The following STYK1 variants were observed in gnomAD, a reference collection of about 807,000 sequenced individuals.
STYK1 encodes the protein tyrosine-protein kinase STYK1.
STYK1 carries 46 observed loss-of-function variants against 48.1 expected under a neutral mutation model. The observed-to-expected ratio is 0.96, with a 90% confidence interval of 0.75 to 1.22. The LOEUF (loss-of-function observed/expected upper bound fraction) is 1.22, where lower values mean the gene tolerates loss of function less well. Ranked by LOEUF, STYK1 falls within the 50% of genes most tolerant of loss-of-function variation. The pLI, the probability that STYK1 is intolerant of heterozygous loss-of-function variation, is 0.00. For synonymous variants in STYK1, 188 were observed against 189.0 expected, an observed-to-expected ratio of 0.99 and a Z score of 0.04; for missense variants, 527 against 521.1, an observed-to-expected ratio of 1.01 and a Z score of -0.11.
chr12:10,663,183 G>A lies in STYK1; in HGVS notation c.-195+10783C>T, dbSNP rs1490809800. ...AGGCTGGAGTGCAATGGTGTGATCA[G>A]AGCTCATTGCAGCCTCAAGCTCTGG... On this transcript the variant is annotated intron_variant, in intron 1 of 10. Coordinates refer to ENST00000075503, the MANE Select transcript of STYK1 (RefSeq NM_018423.3). Among the ~76,000 whole-genome samples the A allele has an allele frequency of 1.3e-5, 2 of 152,124 alleles. 1 individual carries two copies. The highest frequency in any genetic ancestry group is 4.1e-4 in the South Asian group (2 of 4,826).
intron 1 of STYK1, among the ~76,000 whole-genome samples, chr12:10,643,120 T>C (rs1376846544): frequency 6.6e-6 from 1 of 152,184 alleles, no homozygotes; most frequent in South Asian, 2.1e-4. Flanking sequence ...CACTTACTCA[T>C]GCCTATTAAC....
intron 4 of STYK1, among the ~76,000 whole-genome samples, chr12:10,633,265 G>A (rs1947449333): frequency 6.6e-6 from 1 of 152,184 alleles, no homozygotes; most frequent in African/African-American, 2.4e-5. Context: ...AAGTGGTAGA[G>A]ATGAAAACCT....
chr12:10,646,822 C>A (rs975351145), intron 1 of STYK1, among the ~76,000 whole-genome samples: 5 of 152,224 alleles, frequency 3.3e-5, no homozygotes, highest in Non-Finnish European at 7.3e-5. Context: ...TGTGTCCCAG[C>A]TGCTCCAGCT....
intron 1 of STYK1, among the ~76,000 whole-genome samples, chr12:10,654,577 G>A (rs1032080336): frequency 1.3e-5 from 2 of 152,260 alleles, no homozygotes; most frequent in Non-Finnish European, 1.5e-5. Context: ...GTTTTGCCCA[G>A]GTAAAGGATC....
intron 1 of STYK1, among the ~76,000 whole-genome samples, chr12:10,647,663 G>A (rs1000633987): frequency 2.6e-5 from 4 of 152,182 alleles, no homozygotes; most frequent in African/African-American, 9.7e-5. Flanking sequence ...AGGGCCAGGA[G>A]TAAAATGATA....
At chr12:10,653,521 C>T (rs1233699832) in intron 1 of STYK1, among the ~76,000 whole-genome samples, 1 of 152,056 alleles carries the variant, frequency 6.6e-6, no homozygotes, top group Non-Finnish European at 1.5e-5. Flanking sequence ...TATGAGAATT[C>T]AGAAGTGTAA....
chr12:10,633,144 A>T (rs1289486465), intron 4 of STYK1, among the ~76,000 whole-genome samples: 2 of 152,236 alleles, frequency 1.3e-5, no homozygotes, highest in Non-Finnish European at 2.9e-5. Context: ...GAGAAAGTTT[A>T]AAATTGTTTC....
At chr12:10,641,530 G>A (rs1037180565) in intron 1 of STYK1, among the ~76,000 whole-genome samples, 1 of 152,204 alleles carries the variant, frequency 6.6e-6, no homozygotes, top group Non-Finnish European at 1.5e-5. Flanking sequence ...AAGGAAGACA[G>A]GCTACAACAG....
chr12:10,671,008 T>TTTTC (rs1947886006), intron 1 of STYK1, among the ~76,000 whole-genome samples: 1 of 143,390 alleles, frequency 7.0e-6, no homozygotes, highest in East Asian at 2.0e-4. Context: ...TTTTTTTTTT[T>TTTTC]TTTTTTTTTG....
chr12:10,657,108 A>C (rs1251007521), intron 1 of STYK1, among the ~76,000 whole-genome samples: 1 of 152,186 alleles, frequency 6.6e-6, no homozygotes, highest in Non-Finnish European at 1.5e-5. Context: ...TAAGAGTTCC[A>C]TAGGAGGTGG....
At chr12:10,660,099 C>A (rs918580919) in intron 1 of STYK1, among the ~76,000 whole-genome samples, 1 of 152,206 alleles carries the variant, frequency 6.6e-6, no homozygotes, top group Non-Finnish European at 1.5e-5. Flanking sequence ...TTGGTTCTAA[C>A]AGTTGCCCAC....
chr12:10,646,147 G>T (rs1056501424), intron 1 of STYK1, among the ~76,000 whole-genome samples: 1 of 152,234 alleles, frequency 6.6e-6, no homozygotes, highest in East Asian at 1.9e-4. Context: ...AGCCAAAAAT[G>T]TGGAAGTGAT....
rs778143602 is a variant in STYK1, at chr12:10,620,133, C to A, written c.*11G>T. 3.1e-6 allele frequency: 5 copies of A among 1,613,978 alleles called. No homozygotes were observed. The highest frequency in any genetic ancestry group is 4.2e-6 in the Non-Finnish European group (5 of 1,179,990). ...TATACTCATGCATGAATGTTTCTTG[C>A]CCGAGACTCTTCAAAGCATGCTATA... On this transcript the variant is annotated 3_prime_UTR_variant, in exon 11 of 11. Transcript: ENST00000075503.
rs1215106677 is a variant in STYK1 at position 10,650,098 on chromosome 12, GGA to G, written c.-194-12904_-194-12903del. Among the ~76,000 whole-genome samples, 12 of 131,244 alleles carry G rather than the reference GGA, an allele frequency of 9.1e-5. No individual in the cohort carries two copies. The East Asian group carries it at 2.2e-3, about 24-fold the overall frequency. The allele number at this position is 131,244 out of a possible 152,430, so 86.1% of individuals were successfully genotyped here. Reference sequence around the variant, plus strand: ...CTGCACTCCAGCCTGGGCAACTGAGGGAGAGAGAGAGACTCTGTCTCAAAAAA... The same window carrying G: ...CTGCACTCCAGCCTGGGCAACTGAGGGAGAGAGAGACTCTGTCTCAAAAAA... On this transcript the variant is annotated intron_variant, in intron 1 of 10. Coordinates refer to ENST00000075503, the MANE Select transcript of STYK1 (RefSeq NM_018423.3).
At chr12:10,625,239 A>T (rs965397588) in intron 7 of STYK1, among the ~76,000 whole-genome samples, 7 of 150,484 alleles carry the variant, frequency 4.7e-5, no homozygotes, top group Non-Finnish European at 7.4e-5. Context: ...TGTTTGTTTG[A>T]GACAGTCTCG....
At chr12:10,624,925 G>T (rs1374733417) in intron 7 of STYK1, 66 bp from the exon 8 acceptor site, 1 of 1,412,746 alleles carries the variant, frequency 7.1e-7, no homozygotes, top group Non-Finnish European at 1.0e-6. Context: ...GACAAGGAGA[G>T]GCAGTCCTAG....
intron 1 of STYK1, among the ~76,000 whole-genome samples, chr12:10,650,803 C>G (rs891662808): frequency 2.0e-5 from 3 of 151,948 alleles, no homozygotes; most frequent in Admixed American, 2.0e-4. Context: ...GAGTTCGAGA[C>G]CAGCCTGGCC....
At chr12:10,654,912 G>A (rs1246118362) in intron 1 of STYK1, among the ~76,000 whole-genome samples, 1 of 152,148 alleles carries the variant, frequency 6.6e-6, no homozygotes, top group Non-Finnish European at 1.5e-5. Flanking sequence ...CCCAAAGTGG[G>A]AAACTTGAGA....
At chr12:10,622,111 C>A in intron 9 of STYK1, 139 bp from the exon 10 acceptor site, 1 of 655,484 alleles carries the variant, frequency 1.5e-6, no homozygotes, top group Non-Finnish European at 2.6e-6. Flanking sequence ...TCAGTTGCTC[C>A]CTGGTGATCA....
Sources: allele counts gnomAD v4.1 joint callset (sites outside exome capture counted in the v4.1 genomes callset), GRCh38; gene constraint gnomAD v4.1.1; transcripts MANE v1.5; gene names NCBI Gene and HGNC (gene_info 2026-07-23, HGNC 2026-07-21).